The following SLCO5A1 variants were observed in gnomAD, a reference collection of about 807,000 sequenced individuals.
The protein encoded by SLCO5A1 is organic anion transporter polypeptide-related protein 4.
SLCO5A1 carries 39 observed loss-of-function variants against 65.1 expected under a neutral mutation model. The observed-to-expected ratio is 0.60, with a 90% CI of 0.46 to 0.78. SLCO5A1 has a LOEUF of 0.78. Ranked by LOEUF, SLCO5A1 falls within the 30% of genes least tolerant of loss-of-function variation. SLCO5A1 has a pLI of 0.00. For missense variants in SLCO5A1, 1,029 were observed against 1,069.4 expected (o/e 0.96, Z 0.53); for synonymous variants, 438 against 415.7 (o/e 1.05, Z -0.65).
Position 69,832,870 on chromosome 8 carries a change from A to C in SLCO5A1, c.-197T>G. 1.6e-6 allele frequency: 1 copy of C among 633,348 alleles called. No individual in the cohort carries two copies. Among genetic ancestry groups the C allele is most frequent in the Non-Finnish European group, 2.7e-6 (1 of 374,932 alleles). 39.2% of individuals were successfully genotyped at this position (633,348 alleles called of 1,614,324 possible). A position where few individuals can be genotyped will look rare whatever the true frequency, so the allele number is the denominator to read the frequency against. ...GCATCCTGATCACAGACACGGCTTC[A>C]AGGCTCCGCAGCCGCGTGCCACAGG... On this transcript the variant is annotated 5_prime_UTR_variant, in exon 2 of 10. Transcript: ENST00000260126. This position sits in a 1 kb window ranked among gnomAD's most constrained non-coding sequence, Gnocchi z 4.5.
At chr8:69,718,654 T>C (rs1342747824) in intron 5 of SLCO5A1, among the ~76,000 whole-genome samples, 1 of 152,204 alleles carries the variant, frequency 6.6e-6, no homozygotes, top group Non-Finnish European at 1.5e-5. Flanking sequence ...TTCAGAAAAC[T>C]TACAAAAATA....
intron 5 of SLCO5A1, among the ~76,000 whole-genome samples, chr8:69,731,830 T>A (rs1002540157): frequency 6.6e-6 from 1 of 152,200 alleles, no homozygotes. Flanking sequence ...AGAGCCACCA[T>A]GCTTGAGTAG....
intron 2 of SLCO5A1, 137 bp downstream of exon 2, chr8:69,831,630 G>T: frequency 4.1e-6 from 4 of 969,284 alleles, no homozygotes; most frequent in Non-Finnish European, 5.9e-6. Flanking sequence ...CTACAGCAAG[G>T]CTAAAACGTA....
In SLCO5A1 at chr8:69,742,794, C is replaced by CTTTTT. The variant is rs10633803; in HGVS notation, c.1259-4595_1259-4591dup. ...CTGAGATAGGTGGTGTGAGTGGATT[C>CTTTTT]TTTTTTTTTTTTTTTTTTTTTTTTG... On this transcript the variant is annotated intron_variant, in intron 4 of 9. Transcript: ENST00000260126. Among the ~76,000 whole-genome samples the CTTTTT allele has an allele frequency of 4.1e-3, 340 of 83,166 alleles. 12 individuals carry two copies. The highest frequency in any genetic ancestry group is 5.5e-3 in the African/African-American group (113 of 20,516). 54.6% of individuals were successfully genotyped at this position (83,166 alleles called of 152,430 possible).
At chr8:69,728,688 T>C (rs1282714062) in intron 5 of SLCO5A1, among the ~76,000 whole-genome samples, 2 of 151,742 alleles carry the variant, frequency 1.3e-5, no homozygotes, top group Non-Finnish European at 2.9e-5. Flanking sequence ...GGTTTGAAAT[T>C]ATTATACATA....
At chr8:69,709,602 G>A (rs956125329) in intron 5 of SLCO5A1, among the ~76,000 whole-genome samples, 11 of 152,186 alleles carry the variant, frequency 7.2e-5, no homozygotes, top group African/African-American at 2.7e-4. Flanking sequence ...TACACTGATT[G>A]CATTCTGGCA....
chr8:69,747,583 C>G (rs532956109), intron 4 of SLCO5A1, among the ~76,000 whole-genome samples: 1 of 152,250 alleles, frequency 6.6e-6, no homozygotes, highest in African/African-American at 2.4e-5. Context: ...AGAGGATGTG[C>G]GTAGCTTATA....
chr8:69,729,755 C>T (rs1442125453), intron 5 of SLCO5A1, among the ~76,000 whole-genome samples: 2 of 152,046 alleles, frequency 1.3e-5, no homozygotes, highest in African/African-American at 4.8e-5. Context: ...GCATGGACAT[C>T]CCTCCCTAAG....
At chr8:69,806,244 A>G (rs927464239) in intron 2 of SLCO5A1, among the ~76,000 whole-genome samples, 4 of 152,228 alleles carry the variant, frequency 2.6e-5, no homozygotes, top group Admixed American at 2.6e-4. Context: ...CTTGGCTTAC[A>G]CATCAATTCC....
rs1049281841 is a variant in SLCO5A1 at position 69,740,890 on chromosome 8, G to T, written c.1259-2686C>A. The stretch of plus-strand genomic sequence containing the variant: ...ATCTAATAGGAATGAGATATAGTCG[G>T]TTTTTATTATTCACAGATTCCATAT... On this transcript the variant is annotated intron_variant, in intron 4 of 9. Coordinates refer to ENST00000260126, the MANE Select transcript of SLCO5A1 (RefSeq NM_030958.3). Among the ~76,000 whole-genome samples, 4 of 152,180 alleles carry T rather than the reference G, an allele frequency of 2.6e-5. 1 individual carries two copies. The East Asian group carries it at 5.8e-4, about 22-fold the overall frequency.
chr8:69,762,014 G>T, intron 2 of SLCO5A1, 139 bp from the exon 3 acceptor site: 2 of 1,008,312 alleles, frequency 2.0e-6, no homozygotes, highest in Non-Finnish European at 2.8e-6. Flanking sequence ...TTGGAGATTT[G>T]TGTCCATGTC....
chr8:69,791,649 G>A (rs1819275873), intron 2 of SLCO5A1, among the ~76,000 whole-genome samples: 1 of 152,226 alleles, frequency 6.6e-6, no homozygotes. Flanking sequence ...AGATCATGGA[G>A]ACGACTGAGA....
intron 2 of SLCO5A1, among the ~76,000 whole-genome samples, chr8:69,820,579 T>A (rs1820588161): frequency 6.6e-6 from 1 of 152,232 alleles, no homozygotes; most frequent in Non-Finnish European, 1.5e-5. Flanking sequence ...ACACTTGTAA[T>A]CCCATCACTT....
At chr8:69,792,798 G>A (rs781269994) in intron 2 of SLCO5A1, among the ~76,000 whole-genome samples, 9 of 152,138 alleles carry the variant, frequency 5.9e-5, no homozygotes, top group Non-Finnish European at 1.0e-4. Flanking sequence ...ACGTTTCAAA[G>A]TAGATGAAAG....
rs938160895 is a variant in SLCO5A1, at chr8:69,705,011, G to A, written c.1622+20C>T. The A allele has an allele frequency of 1.2e-5, 19 of 1,603,922 alleles. No homozygotes were observed. Among genetic ancestry groups the A allele is most frequent in the Middle Eastern group, 1.7e-4 (1 of 6,052 alleles). ...CACCTCCATCGTGCAGACACGACACGGCTCTTAAGAGGTACTTACCCTGTT... is the reference window on the plus strand; with the variant it reads ...CACCTCCATCGTGCAGACACGACACAGCTCTTAAGAGGTACTTACCCTGTT... On this transcript the variant is annotated intron_variant, in intron 6 of 9. Coordinates refer to ENST00000260126, the MANE Select transcript of SLCO5A1 (RefSeq NM_030958.3).
intron 3 of SLCO5A1, among the ~76,000 whole-genome samples, chr8:69,761,034 AT>A (rs369056386): frequency 6.9e-4 from 105 of 152,286 alleles, no homozygotes; most frequent in African/African-American, 2.3e-3. Context: ...AAAACAATGT[AT>A]TTTTTTAAGG....
intron 5 of SLCO5A1, among the ~76,000 whole-genome samples, chr8:69,707,153 CA>C (rs1389829077): frequency 3.3e-5 from 5 of 151,894 alleles, no homozygotes; most frequent in African/African-American, 7.3e-5. Context: ...CTCCACACCT[CA>C]AAAAAATAAA....
At chr8:69,719,516 AG>A (rs1815719357) in intron 5 of SLCO5A1, among the ~76,000 whole-genome samples, 2 of 152,254 alleles carry the variant, frequency 1.3e-5, no homozygotes, top group Non-Finnish European at 2.9e-5. Flanking sequence ...TAAAGATTAA[AG>A]TAATAGTAAG....
At chr8:69,786,540 C>T (rs1819046820) in intron 2 of SLCO5A1, among the ~76,000 whole-genome samples, 1 of 152,196 alleles carries the variant, frequency 6.6e-6, no homozygotes, top group African/African-American at 2.4e-5. Flanking sequence ...CTTAGCAGCT[C>T]ATCTAATGGA....
Sources: gnomAD v4.1 joint callset for allele counts (sites outside exome capture counted in the v4.1 genomes callset) on GRCh38, gnomAD v4.1.1 for gene constraint, Gnocchi (gnomAD v3.1) non-coding constraint, MANE v1.5 for transcripts, NCBI Gene and HGNC (gene_info 2026-07-23, HGNC 2026-07-21) for gene names.